WWOX: variants seen among roughly 807,000 people sequenced by gnomAD.
WWOX encodes the protein WW domain-containing oxidoreductase.
A neutral mutation model predicts 46.2 loss-of-function variants in WWOX; 69 were observed. The ratio of observed to expected loss-of-function variants is 1.49; its 90% CI spans 1.23 to 1.82. The LOEUF is 1.82. WWOX is among the 40% of genes most tolerant of loss of function. The pLI, the probability that WWOX is intolerant of heterozygous loss-of-function variation, is 0.00. For synonymous variants in WWOX, 359 were observed against 202.6 expected (o/e 1.77, Z -6.56); for missense variants, 919 against 542.6 (o/e 1.69, Z -6.89).
At chr16:78,296,489 C>T (rs533091246) in intron 5 of WWOX, among the ~76,000 whole-genome samples, 6 of 150,654 alleles carry the variant, frequency 4.0e-5, no homozygotes, top group African/African-American at 1.5e-4. Context: ...TACATGAAAC[C>T]AGGAATTCAT....
At chr16:78,387,954 G>C (rs1414721751) in intron 6 of WWOX, among the ~76,000 whole-genome samples, 1 of 152,048 alleles carries the variant, frequency 6.6e-6, no homozygotes, top group Non-Finnish European at 1.5e-5. Flanking sequence ...GTTCTGCAGT[G>C]TTGCAAGCAG....
chr16:78,872,220 C>G (rs889576127), intron 8 of WWOX, among the ~76,000 whole-genome samples: 1 of 152,186 alleles, frequency 6.6e-6, no homozygotes, highest in African/African-American at 2.4e-5. Flanking sequence ...CAAATCCCAG[C>G]TCTGCTATTA....
intron 8 of WWOX, among the ~76,000 whole-genome samples, chr16:78,528,378 G>A (rs1025106853): frequency 1.3e-5 from 2 of 151,574 alleles, no homozygotes; most frequent in African/African-American, 2.4e-5. Flanking sequence ...AATTAGCAAA[G>A]AATTAACAGC....
rs1050799738 is a variant in WWOX, at chr16:78,283,195, C to T, written c.517-103665C>T. Among the ~76,000 whole-genome samples, 9 of 152,280 alleles carry T rather than the reference C, an allele frequency of 5.9e-5. No homozygotes were observed. In the East Asian group the frequency reaches 1.4e-3, roughly 23 times the overall value. Reference sequence around the variant, plus strand: ...CTGGGTTGAGGAGGCAACATGACAACGTGCCTACCTTCACCAGAGAGACTG... The same window carrying T: ...CTGGGTTGAGGAGGCAACATGACAATGTGCCTACCTTCACCAGAGAGACTG... On this transcript the variant is annotated intron_variant, in intron 5 of 8. Coordinates refer to ENST00000566780, the MANE Select transcript of WWOX (RefSeq NM_016373.4).
rs144571736 is a variant in WWOX at position 79,011,499 on chromosome 16, A to C, written c.1057-200109A>C. ...TATTTATTTATTTATTTATTTATTTATTTATTTTTTGAGACAGGGTCTTAA... is the reference window on the plus strand; with the variant it reads ...TATTTATTTATTTATTTATTTATTTCTTTATTTTTTGAGACAGGGTCTTAA... On this transcript the variant is annotated intron_variant, in intron 8 of 8. Coordinates refer to ENST00000566780, the MANE Select transcript of WWOX (RefSeq NM_016373.4). Among the ~76,000 whole-genome samples, 764 of 142,324 alleles carry C rather than the reference A, an allele frequency of 5.4e-3. 7 individuals are homozygous for C. Among genetic ancestry groups the C allele is most frequent in the African/African-American group, 0.019 (733 of 37,890 alleles). The allele number at this position is 142,324 out of a possible 152,430, so 93.4% of individuals were successfully genotyped here.
intron 8 of WWOX, 147 bp downstream of exon 8, chr16:78,432,899 T>G: frequency 1.6e-6 from 2 of 1,289,594 alleles, no homozygotes; most frequent in East Asian, 2.3e-5. Flanking sequence ...CTTGAACACA[T>G]TTTCATCAAC....
At chr16:79,020,949 G>A (rs1257116392) in intron 8 of WWOX, among the ~76,000 whole-genome samples, 1 of 152,080 alleles carries the variant, frequency 6.6e-6, no homozygotes, top group Non-Finnish European at 1.5e-5. Context: ...GAGCTAAGGG[G>A]ATTCTTGACA....
At chr16:78,693,445 C>T (rs973220099) in intron 8 of WWOX, among the ~76,000 whole-genome samples, 2 of 152,092 alleles carry the variant, frequency 1.3e-5, no homozygotes, top group Admixed American at 6.6e-5. Flanking sequence ...CTATTTAGTC[C>T]CAGTTTTCCA....
chr16:78,416,731 C>G (rs777397137), intron 6 of WWOX, among the ~76,000 whole-genome samples: 5 of 152,182 alleles, frequency 3.3e-5, no homozygotes, highest in Non-Finnish European at 5.9e-5. Context: ...ACTGCAGAAA[C>G]TATCTTTGAG....
intron 5 of WWOX, among the ~76,000 whole-genome samples, chr16:78,381,710 C>T (rs78404078): frequency 1.6e-3 from 240 of 152,224 alleles, no homozygotes; most frequent in Non-Finnish European, 3.1e-3. Flanking sequence ...TCAGTGATCT[C>T]AGAACCTCTT....
At chr16:78,248,465 G>A (rs1169448367) in intron 5 of WWOX, among the ~76,000 whole-genome samples, 1 of 152,150 alleles carries the variant, frequency 6.6e-6, no homozygotes, top group African/African-American at 2.4e-5. Context: ...GGCTGGGTGC[G>A]GTGGCACACT....
intron 8 of WWOX, among the ~76,000 whole-genome samples, chr16:78,579,674 A>G (rs2044998852): frequency 6.6e-6 from 1 of 152,198 alleles, no homozygotes; most frequent in South Asian, 2.1e-4. Flanking sequence ...TCTCTATCAC[A>G]TTACCGACGG....
intron 8 of WWOX, among the ~76,000 whole-genome samples, chr16:78,714,021 G>A (rs1397119790): frequency 6.6e-6 from 1 of 152,244 alleles, no homozygotes; most frequent in East Asian, 1.9e-4. Context: ...GCATTTGGGG[G>A]GAAGGTAAGG....
chr16:78,282,878 C>CAA (rs60994323), intron 5 of WWOX, among the ~76,000 whole-genome samples: 117 of 68,676 alleles, frequency 1.7e-3, no homozygotes, highest in African/African-American at 3.4e-3. Flanking sequence ...CACTCCATCT[C>CAA]AAAAAAAAAA....
At chr16:79,018,617 ACCACCATTTCAAAG>A (rs2047465192) in intron 8 of WWOX, among the ~76,000 whole-genome samples, 1 of 152,198 alleles carries the variant, frequency 6.6e-6, no homozygotes, top group Admixed American at 6.5e-5. Flanking sequence ...TCTATAAGAC[ACCACCATTTCAAAG>A]CCAAAGAGAT....
intron 8 of WWOX, among the ~76,000 whole-genome samples, chr16:79,052,547 G>A (rs13330637): frequency 0.095 from 14,496 of 152,260 alleles, 1,168 homozygotes; most frequent in African/African-American, 0.22. Flanking sequence ...GTCCAACAGT[G>A]GTAGACTGGA....
intron 8 of WWOX, among the ~76,000 whole-genome samples, chr16:78,652,361 G>T (rs1338275953): frequency 2.1e-5 from 3 of 145,546 alleles, no homozygotes; most frequent in African/African-American, 7.8e-5. Flanking sequence ...GCGAGTCAAG[G>T]TCACGCCAGT....
intron 8 of WWOX, among the ~76,000 whole-genome samples, chr16:78,941,684 C>A (rs1290916591): frequency 1.3e-5 from 2 of 152,156 alleles, no homozygotes; most frequent in Admixed American, 6.5e-5. Flanking sequence ...ATCCCCCCTA[C>A]TCACAGGAAA....
At chr16:78,999,233 G>C (rs56355302) in intron 8 of WWOX, among the ~76,000 whole-genome samples, 4 of 151,944 alleles carry the variant, frequency 2.6e-5, no homozygotes, top group African/African-American at 9.7e-5. Flanking sequence ...CACTTTGGGA[G>C]GCCAATGCAG....
Sources: gnomAD v4.1 joint callset for allele counts (sites outside exome capture counted in the v4.1 genomes callset) on GRCh38, gnomAD v4.1.1 for gene constraint, MANE v1.5 for transcripts, NCBI Gene and HGNC (gene_info 2026-07-23, HGNC 2026-07-21) for gene names.